ZNF616: variants seen among roughly 807,000 people sequenced by gnomAD.
The protein encoded by ZNF616 is zinc finger protein 616.
Under a neutral mutation model 7.6 loss-of-function variants are expected in ZNF616, and 5 were observed. That is an observed-to-expected ratio of 0.66 (90% CI 0.34 to 1.38). The LOEUF is 1.38. Ranked by LOEUF, ZNF616 falls within the 40% of genes most tolerant of loss-of-function variation. ZNF616 has a pLI of 0.04. For synonymous variants in ZNF616, 319 were observed against 317.2 expected, an observed-to-expected ratio of 1.01 and a Z score of -0.06; for missense variants, 913 against 948.3, an observed-to-expected ratio of 0.96 and a Z score of 0.49.
intron 3 of ZNF616, among the ~76,000 whole-genome samples, chr19:52,121,531 A>G (rs1160862255): frequency 6.6e-6 from 1 of 152,234 alleles, no homozygotes; most frequent in African/African-American, 2.4e-5. Context: ...CAGTGCTAAG[A>G]TAGAAAACTG....
chr19:52,129,489 C>CTTTTG (rs2088939072), intron 2 of ZNF616, among the ~76,000 whole-genome samples: 1 of 152,080 alleles, frequency 6.6e-6, no homozygotes, highest in Non-Finnish European at 1.5e-5. Context: ...ATGTTCAGCT[C>CTTTTG]TTACATCTGA....
chr19:52,114,042 T>C lies in ZNF616; in HGVS notation c.*776A>G, dbSNP rs1366503485. The C allele has an allele frequency of 6.6e-6, 1 of 152,202 alleles. No individual in the cohort carries two copies. Among genetic ancestry groups the C allele is most frequent in the African/African-American group, 2.4e-5 (1 of 41,450 alleles). The allele number at this position is 152,202 out of a possible 1,614,324, so 9.4% of individuals were successfully genotyped here. ...ATGTATATTCTGATGCCTAGTGAGT[T>C]CCAATGCCTGGGGAAAGCCTCTGAC... is the stretch of plus-strand genomic sequence containing the variant. On this transcript the variant is annotated 3_prime_UTR_variant, in exon 4 of 4. Transcript: ENST00000600228.
In ZNF616 at chr19:52,115,975, C is replaced by T. The variant is rs1281293932; in HGVS notation, c.1189G>A (p.Ala397Thr). The change falls in exon 4 of 4, where the codon GCA (alanine) becomes ACA (threonine). Residue 397 changes from alanine to threonine, a missense_variant. Physicochemically the swap from Ala to Thr is moderately conservative, Grantham distance 58. Transcript: ENST00000600228. ...GKVFSKRSSL[A>T]VHRRIHTVEK... ...ACAGTGTGAATTCGTCGATGCACTG[C>T]AAGACTTGAACGTTTACTGAAGACC... is the stretch of plus-strand genomic sequence containing the variant. The T allele has an allele frequency of 3.1e-6, 5 of 1,614,046 alleles. No individual in the cohort carries two copies. The South Asian group carries it at 4.4e-5, about 14-fold the overall frequency.
At chr19:52,133,534 T>C (rs1379451915) in intron 1 of ZNF616, among the ~76,000 whole-genome samples, 3 of 152,176 alleles carry the variant, frequency 2.0e-5, no homozygotes, top group Non-Finnish European at 4.4e-5. Context: ...TGTGTGTGTG[T>C]GTGAGACAGA....
chr19:52,115,406 G>A lies in ZNF616; in HGVS notation c.1758C>T (p.Tyr586=), dbSNP rs1281845597. 1.2e-6 allele frequency: 2 copies of A among 1,613,988 alleles called. No homozygotes were observed. Among genetic ancestry groups the A allele is most frequent in the African/African-American group, 2.7e-5 (2 of 74,906 alleles). Residue 586 remains tyrosine, a synonymous_variant, in exon 4 of 4, where the codon TAC becomes TAT. Coordinates refer to ENST00000600228, the MANE Select transcript of ZNF616 (RefSeq NM_178523.5). ...GCCCTACAAGATGTGAATACTGACT[G>A]TAGACCTTGCCGCATTCATTGCATT... The part of the protein sequence containing the change: ...PYKCNECGKV[Y]SQYSHLVGHR...
At chr19:52,132,806 T>C (rs1456129070) in intron 1 of ZNF616, among the ~76,000 whole-genome samples, 1 of 152,178 alleles carries the variant, frequency 6.6e-6, no homozygotes, top group Non-Finnish European at 1.5e-5. Context: ...AATTTTGTTG[T>C]AGCAATTCCA....
chr19:52,116,686 G>T lies in ZNF616; in HGVS notation c.478C>A (p.Leu160Ile). 1 of 1,614,042 alleles carries T rather than the reference G, an allele frequency of 6.2e-7. No homozygotes were observed. The highest frequency in any genetic ancestry group is 8.5e-7 in the Non-Finnish European group (1 of 1,180,020). ...TTCTCCGTTTCATTACATTCATAAA[G>T]TCTCCCTTCAGTTTGAACTTTCTGC... ...ELQKVQTEGR[L>I]YECNETEKTG... The change falls in exon 4 of 4, where the codon CTT becomes ATT. Residue 160 changes from leucine to isoleucine, a missense_variant. Physicochemically the swap from Leu to Ile is conservative, Grantham distance 5 (BLOSUM62 2). Transcript: ENST00000600228.
intron 1 of ZNF616, among the ~76,000 whole-genome samples, chr19:52,135,635 A>G (rs1250555878): frequency 6.6e-6 from 1 of 152,194 alleles, no homozygotes; most frequent in Non-Finnish European, 1.5e-5. Flanking sequence ...CCGTGGGCTC[A>G]GCTTAGGACT....
chr19:52,115,593 T>G lies in ZNF616; in HGVS notation c.1571A>C (p.Lys524Thr). Reference sequence around the variant, plus strand: ...GTCACTGAAGACCTTGCCACATTCTTTGCATTTGTAAGGTTTCTCTCCAGT... The same window carrying G: ...GTCACTGAAGACCTTGCCACATTCTGTGCATTTGTAAGGTTTCTCTCCAGT... ...IHTGEKPYKC[K>T]ECGKVFSDRS... The change falls in exon 4 of 4, where the codon AAA becomes ACA. Residue 524 changes from lysine (K) to threonine (T), a missense_variant. Physicochemically the swap from Lys to Thr is moderately conservative, Grantham distance 78 (BLOSUM62 -1). Coordinates refer to ENST00000600228, the MANE Select transcript of ZNF616 (RefSeq NM_178523.5). The G allele has an allele frequency of 6.2e-7, 1 of 1,613,952 alleles. No individual in the cohort carries two copies. The highest frequency in any genetic ancestry group is 8.5e-7 in the Non-Finnish European group (1 of 1,179,968).
In ZNF616 at chr19:52,124,014, G is replaced by A; in HGVS notation, c.48C>T (p.Phe16=). The A allele has an allele frequency of 1.2e-6, 2 of 1,612,540 alleles. No homozygotes were observed. The highest frequency in any genetic ancestry group is 1.7e-6 in the Non-Finnish European group (2 of 1,179,592). Reference sequence around the variant, plus strand: ...CCAGGCATTTCCACTCCTCCTGAGAGAATTCTATGGCTACATCCTTGAATG... The same window carrying A: ...CCAGGCATTTCCACTCCTCCTGAGAAAATTCTATGGCTACATCCTTGAATG... ...HLTFKDVAIE[F]SQEEWKCLEP... is the part of the protein sequence containing the mutation. The change falls in exon 3 of 4, where the codon TTC becomes TTT. Residue 16 remains phenylalanine, a synonymous_variant. Coordinates refer to ENST00000600228, the MANE Select transcript of ZNF616 (RefSeq NM_178523.5).
At chr19:52,124,436 C>G (rs1045063004) in intron 2 of ZNF616, among the ~76,000 whole-genome samples, 1 of 152,182 alleles carries the variant, frequency 6.6e-6, no homozygotes, top group Non-Finnish European at 1.5e-5. Flanking sequence ...ACTGTGATGA[C>G]CAGAGCAACA....
chr19:52,116,111 T>C lies in ZNF616; in HGVS notation c.1053A>G (p.Lys351=). The change falls in exon 4 of 4, where the codon AAA becomes AAG. Residue 351 remains lysine, a synonymous_variant. Transcript: ENST00000600228. ...TGCCACATACATCACATTTATATGGTTTCTTTCCTGCATGGATTACCTGAT... is the reference window on the plus strand; with the variant it reads ...TGCCACATACATCACATTTATATGGCTTCTTTCCTGCATGGATTACCTGAT... ...TVHQVIHAGK[K]PYKCDVCGKA... is the part of the protein sequence containing the mutation. 6.2e-7 allele frequency: 1 copy of C among 1,614,212 alleles called. No homozygotes were observed. The highest frequency in any genetic ancestry group is 8.5e-7 in the Non-Finnish European group (1 of 1,180,046).
chr19:52,137,291 C>T (rs2089020023), intron 1 of ZNF616, among the ~76,000 whole-genome samples: 2 of 151,164 alleles, frequency 1.3e-5, no homozygotes, highest in South Asian at 2.1e-4. Context: ...GGCGTGGTGG[C>T]GGGTGCCTAT....
intron 1 of ZNF616, among the ~76,000 whole-genome samples, chr19:52,132,104 T>G (rs79337674): frequency 1.5e-3 from 232 of 152,324 alleles, no homozygotes; most frequent in African/African-American, 5.3e-3. Context: ...TTCCCTACCA[T>G]TTTAGGTAAA....
chr19:52,116,708 C>G lies in ZNF616; in HGVS notation c.456G>C (p.Gln152His). ...SNFESRLAEL[Q>H]KVQTEGRLYE... ...AAAGTCTCCCTTCAGTTTGAACTTT[C>G]TGCAGTTCAGCCAGACGTGACTCAA... The change falls in exon 4 of 4, where the codon CAG becomes CAC. Residue 152 changes from glutamine (Q) to histidine (H), a missense_variant. Coordinates refer to ENST00000600228, the MANE Select transcript of ZNF616 (RefSeq NM_178523.5). The G allele has an allele frequency of 6.2e-7, 1 of 1,614,140 alleles. No homozygotes were observed. The highest frequency in any genetic ancestry group is 8.5e-7 in the Non-Finnish European group (1 of 1,180,022).
intron 1 of ZNF616, among the ~76,000 whole-genome samples, chr19:52,136,266 T>C (rs978617178): frequency 2.0e-5 from 3 of 151,518 alleles, no homozygotes; most frequent in Non-Finnish European, 4.4e-5. Context: ...AGATCACCTG[T>C]GGTCAGGAGT....
chr19:52,125,591 C>T (rs1013492680), intron 2 of ZNF616, among the ~76,000 whole-genome samples: 2 of 152,228 alleles, frequency 1.3e-5, no homozygotes, highest in Non-Finnish European at 2.9e-5. Flanking sequence ...GGATCACCCA[C>T]ATGGAACTTC....
At chr19:52,124,439 G>C (rs371348836) in intron 2 of ZNF616, among the ~76,000 whole-genome samples, 27 of 152,350 alleles carry the variant, frequency 1.8e-4, no homozygotes, top group African/African-American at 6.3e-4. Flanking sequence ...GTGATGACCA[G>C]AGCAACAGCA....
At position 52,115,714 on chromosome 19, in the gene ZNF616, G is replaced by A. The variant is rs913453332; in HGVS notation, c.1450C>T (p.Gln484Ter). The change falls in exon 4 of 4, where the codon CAG (glutamine) becomes TAG (stop). Residue 484 changes from glutamine to a stop codon, truncating the protein, a stop_gained. Coordinates refer to ENST00000600228, the MANE Select transcript of ZNF616 (RefSeq NM_178523.5). LOFTEE classifies it low-confidence loss of function (END_TRUNC). Reference protein sequence around the residue: ...FSIHSRLAAHQRIHTGEKPYK... With the variant: ...FSIHSRLAAH The stretch of plus-strand genomic sequence containing the variant: ...GGTTTCTCTCCAGTATGAATTCTCT[G>A]ATGAGCTGCAAGTCGTGAATGTATG... 2 of 1,614,072 alleles carry A rather than the reference G, an allele frequency of 1.2e-6. No homozygotes were observed. Among genetic ancestry groups the A allele is most frequent in the Non-Finnish European group, 1.7e-6 (2 of 1,180,022 alleles).
Sources: allele counts gnomAD v4.1 joint callset (sites outside exome capture counted in the v4.1 genomes callset), GRCh38; gene constraint gnomAD v4.1.1; transcripts MANE v1.5; gene names NCBI Gene and HGNC (gene_info 2026-07-23, HGNC 2026-07-21).